The following CTNNA2 variants were observed in gnomAD, a reference collection of about 807,000 sequenced individuals.
The protein encoded by CTNNA2 is catenin alpha-2.
Under a neutral mutation model 101.0 loss-of-function variants are expected in CTNNA2, and 42 were observed. That is an observed-to-expected ratio of 0.42 (90% CI 0.32 to 0.54). The LOEUF (loss-of-function observed/expected upper bound fraction) is 0.54. Among genes scored for constraint, CTNNA2 ranks in the 20% least tolerant of loss-of-function variants. CTNNA2 has a pLI of 0.14. For missense variants in CTNNA2, 871 were observed against 1,223.1 expected (o/e 0.71, Z 4.29); for synonymous variants, 450 against 456.4 (o/e 0.99, Z 0.18).
chr2:79,382,910 A>G lies in CTNNA2; in HGVS notation c.-135+8897A>G, dbSNP rs371375310. Reference sequence around the variant, plus strand: ...ATTACAGGCGTGAGCCACCACGCCCAGCCATAAACTATTAAATTTTAATAA... The same window carrying G: ...ATTACAGGCGTGAGCCACCACGCCCGGCCATAAACTATTAAATTTTAATAA... On this transcript the variant is annotated intron_variant, in intron 4 of 21. Transcript: ENST00000466387. Among the ~76,000 whole-genome samples the G allele has an allele frequency of 2.4e-4, 36 of 152,322 alleles. No homozygotes were observed. The South Asian group carries it at 3.3e-3, about 14-fold the overall frequency.
chr2:79,708,330 T>C lies in CTNNA2; in HGVS notation c.103-36057T>C, dbSNP rs1238184434. ...CCCAGTAAGTAGGCGGGAACTTGTA[T>C]GTGATTGTTTTCCTTTTCACCCTAT... On this transcript the variant is annotated intron_variant, in intron 2 of 18. Coordinates refer to ENST00000402739, the MANE Select transcript of CTNNA2 (RefSeq NM_001282597.3). 2.6e-5 allele frequency among the ~76,000 whole-genome samples: 4 copies of C among 152,318 alleles called. No individual in the cohort carries two copies. The East Asian group carries it at 7.7e-4, about 29-fold the overall frequency.
chr2:79,822,340 G>A (rs1678079397), intron 3 of CTNNA2, among the ~76,000 whole-genome samples: 1 of 152,016 alleles, frequency 6.6e-6, no homozygotes, highest in Admixed American at 6.6e-5. Flanking sequence ...ATTTTGTGCT[G>A]CCAAGTTAGT....
chr2:79,570,572 A>AT (rs1675402631), intron 1 of CTNNA2, among the ~76,000 whole-genome samples: 2 of 152,162 alleles, frequency 1.3e-5, no homozygotes, highest in Admixed American at 6.5e-5. Flanking sequence ...ACTAGGAATA[A>AT]TTGACACTAG....
At chr2:80,056,129 G>T (rs9973600) in intron 7 of CTNNA2, among the ~76,000 whole-genome samples, 59,167 of 152,048 alleles carry the variant, frequency 0.39, 12,076 homozygotes, top group Non-Finnish European at 0.45. Flanking sequence ...GGATTGTACA[G>T]CTTCAAGATG....
chr2:80,127,018 A>G (rs551566880), intron 7 of CTNNA2, among the ~76,000 whole-genome samples: 1 of 152,152 alleles, frequency 6.6e-6, no homozygotes, highest in Non-Finnish European at 1.5e-5. Context: ...GCTATGATTC[A>G]TCAGTGTTGT....
chr2:79,598,337 T>C (rs964732230), intron 1 of CTNNA2, among the ~76,000 whole-genome samples: 2 of 152,220 alleles, frequency 1.3e-5, no homozygotes, highest in East Asian at 1.9e-4. Context: ...CAGAGCATGA[T>C]TGCTGGATTG....
chr2:80,197,231 A>G (rs1706896926), intron 7 of CTNNA2, among the ~76,000 whole-genome samples: 1 of 152,342 alleles, frequency 6.6e-6, no homozygotes, highest in Middle Eastern at 3.4e-3. Context: ...GGCAGGGCTC[A>G]GACTCACATC....
At chr2:80,066,677 A>C (rs997863697) in intron 7 of CTNNA2, among the ~76,000 whole-genome samples, 9 of 152,204 alleles carry the variant, frequency 5.9e-5, no homozygotes, top group Admixed American at 1.3e-4. Flanking sequence ...AGTAGTATGG[A>C]GATATGTCAA....
intron 7 of CTNNA2, among the ~76,000 whole-genome samples, chr2:80,211,045 C>T (rs987362799): frequency 6.6e-6 from 1 of 152,070 alleles, no homozygotes; most frequent in Admixed American, 6.6e-5. Context: ...TATCCTTTGC[C>T]CACTTTTTGA....
intron 3 of CTNNA2, among the ~76,000 whole-genome samples, chr2:79,354,547 A>C (rs1159713972): frequency 6.6e-6 from 1 of 152,110 alleles, no homozygotes; most frequent in African/African-American, 2.4e-5. Context: ...GTTCTCTCTT[A>C]AAATAGCTAT....
chr2:79,968,400 C>T (rs1424304669), intron 7 of CTNNA2, among the ~76,000 whole-genome samples: 2 of 152,058 alleles, frequency 1.3e-5, no homozygotes, highest in Admixed American at 1.3e-4. Flanking sequence ...TTAAAATAGG[C>T]TGAGTGCAGT....
At chr2:79,449,118 A>T (rs1464485683) in intron 4 of CTNNA2, among the ~76,000 whole-genome samples, 2 of 151,978 alleles carry the variant, frequency 1.3e-5, no homozygotes, top group Admixed American at 6.6e-5. Context: ...CACTCCCCCC[A>T]AAAAGGGGTT....
chr2:79,765,169 G>A (rs566946665), intron 3 of CTNNA2, among the ~76,000 whole-genome samples: 3 of 152,268 alleles, frequency 2.0e-5, no homozygotes, highest in South Asian at 2.1e-4. Context: ...TGGTTAAGAC[G>A]AAATGAGGTA....
intron 7 of CTNNA2, among the ~76,000 whole-genome samples, chr2:80,371,019 AG>A (rs2149333073): frequency 6.6e-6 from 1 of 152,170 alleles, no homozygotes; most frequent in East Asian, 1.9e-4. Context: ...GGGAGGAAAC[AG>A]CATGGCCTGA....
chr2:79,266,808 G>C (rs17016663), intron 2 of CTNNA2, among the ~76,000 whole-genome samples: 18,052 of 151,944 alleles, frequency 0.12, 1,077 homozygotes, highest in Admixed American at 0.14. Flanking sequence ...TGCCCTCAGT[G>C]CTCCAGAGGA....
At chr2:79,706,487 T>G (rs773285419) in intron 2 of CTNNA2, among the ~76,000 whole-genome samples, 2 of 152,162 alleles carry the variant, frequency 1.3e-5, no homozygotes, top group South Asian at 2.1e-4. Context: ...TTCCCACTTA[T>G]GTACCATAGT....
At position 80,488,882 on chromosome 2, in the gene CTNNA2, C is replaced by A. The variant is rs368500618; in HGVS notation, c.1291-56100C>A. ...ATGAGGAATCCAATTCACCATCACT[C>A]TCTCATACACACGTGCATGCACATA... is the stretch of plus-strand genomic sequence containing the variant. On this transcript the variant is annotated intron_variant, in intron 9 of 18. Coordinates refer to ENST00000402739, the MANE Select transcript of CTNNA2 (RefSeq NM_001282597.3). Among the ~76,000 whole-genome samples, 8 of 152,280 alleles carry A rather than the reference C, an allele frequency of 5.3e-5. No individual in the cohort carries two copies. In the South Asian group the frequency reaches 1.7e-3, roughly 32 times the overall value.
intron 2 of CTNNA2, among the ~76,000 whole-genome samples, chr2:79,239,263 C>T (rs544180871): frequency 1.6e-4 from 24 of 152,050 alleles, no homozygotes; most frequent in African/African-American, 3.9e-4. Flanking sequence ...GTACAGAAAC[C>T]GACACATAGA....
intron 15 of CTNNA2, among the ~76,000 whole-genome samples, chr2:80,597,221 T>C (rs1009741296): frequency 3.3e-5 from 5 of 152,144 alleles, no homozygotes; most frequent in Non-Finnish European, 5.9e-5. Context: ...GGATTCCCTA[T>C]TTAATAAATG....
Sources: gnomAD v4.1 joint callset for allele counts (sites outside exome capture counted in the v4.1 genomes callset) on GRCh38, gnomAD v4.1.1 for gene constraint, MANE v1.5 for transcripts, NCBI Gene and HGNC (gene_info 2026-07-23, HGNC 2026-07-21) for gene names.